TAF1: variants seen among roughly 807,000 people sequenced by gnomAD.
TAF1 encodes the protein transcription initiation factor TFIID subunit 1.
A neutral mutation model predicts 138.5 loss-of-function variants in TAF1; 2 were observed. The observed-to-expected ratio is 0.01, with a 90% CI of 0.01 to 0.05. The LOEUF (loss-of-function observed/expected upper bound fraction) is 0.05. Among genes scored for constraint, TAF1 ranks in the 10% least tolerant of loss-of-function variants. The pLI, the probability that TAF1 is intolerant of heterozygous loss-of-function variation, is 1.00. For synonymous variants in TAF1, 437 were observed against 503.2 expected (o/e 0.87, Z 1.76); for missense variants, 709 against 1,478.0 (o/e 0.48, Z 8.53).
chrX:71,382,403 G>C (rs1602484082), intron 9 of TAF1, 133 bp from the exon 10 acceptor site: 26 of 871,757 alleles, frequency 3.0e-5, no homozygotes, highest in Non-Finnish European at 3.6e-5. Flanking sequence ...ACCTGGGGGG[G>C]GGTGGGATGA....
chrX:71,368,030 C>T (rs774943289), intron 2 of TAF1, 24 bp from the exon 3 acceptor site: 15 of 1,191,924 alleles, frequency 1.3e-5, no homozygotes, highest in South Asian at 1.8e-5. Flanking sequence ...ACTGTTGTTG[C>T]GATTCTCCCT....
At chrX:71,388,952 A>T in intron 17 of TAF1, 84 bp downstream of exon 17, 1 of 1,057,406 alleles carries the variant, frequency 9.5e-7, no homozygotes, top group African/African-American at 1.9e-5. Flanking sequence ...GAGAGAGAAG[A>T]TTCTTTCTCT....
Position 71,397,506 on chromosome X carries a change from CAG to C in TAF1, c.3620+43_3620+44del, listed in dbSNP as rs748567504. ...CCACTTCCTTTTTTTTCTTTGAGGA[CAG>C]AGTCTTGCTCTGCGGCCCAGGTGGA... On this transcript the variant is annotated intron_variant, in intron 23 of 37. Transcript: ENST00000423759. The C allele has an allele frequency of 6.5e-5, 78 of 1,199,186 alleles. No homozygotes were observed. The South Asian group carries it at 1.3e-3, about 20-fold the overall frequency.
chrX:71,489,140 C>T (rs1204970604), intron 13 of TAF1, among the ~76,000 whole-genome samples: 2 of 109,419 alleles, frequency 1.8e-5, no homozygotes, highest in Admixed American at 9.8e-5. Flanking sequence ...TATCATATGC[C>T]GCCTGATGTC....
At chrX:71,409,339 G>A (rs955927166) in intron 28 of TAF1, among the ~76,000 whole-genome samples, 1 of 110,437 alleles carries the variant, frequency 9.1e-6, no homozygotes, top group Admixed American at 9.8e-5. Context: ...TGTTGCCCAG[G>A]CTGGTCTCAA....
At chrX:71,434,503 C>T (rs941266583) in intron 32 of TAF1, among the ~76,000 whole-genome samples, 3 of 111,537 alleles carry the variant, frequency 2.7e-5, no homozygotes, top group Middle Eastern at 4.2e-3. Flanking sequence ...CATATTTAGC[C>T]CGTGAACTAT....
chrX:71,461,359 T>C (rs968756896), intron 37 of TAF1, among the ~76,000 whole-genome samples: 5 of 111,395 alleles, frequency 4.5e-5, no homozygotes, highest in African/African-American at 1.6e-4. Context: ...CTAAGACCTT[T>C]GGACCTTAAC....
intron 13 of TAF1, among the ~76,000 whole-genome samples, chrX:71,518,058 T>C (rs1023661808): frequency 1.8e-5 from 2 of 110,359 alleles, no homozygotes; most frequent in Admixed American, 9.7e-5. Context: ...CAGACCAACC[T>C]GGGCAACATG....
At chrX:71,447,827 T>G (rs1050300262) in intron 32 of TAF1, among the ~76,000 whole-genome samples, 3 of 111,553 alleles carry the variant, frequency 2.7e-5, no homozygotes, top group Non-Finnish European at 5.7e-5. Context: ...AGGAATTTTC[T>G]TGGTGGAATA....
At chrX:71,436,056 TTTTTTTTTTG>T in intron 32 of TAF1, among the ~76,000 whole-genome samples, 1 of 94,559 alleles carries the variant, frequency 1.1e-5, no homozygotes, top group Non-Finnish European at 2.1e-5. Context: ...TTTTTTTTTT[TTTTTTTTTTG>T]AAACAAGGTC....
Position 71,460,646 on chromosome X carries a change from G to A in TAF1, c.5242G>A (p.Gly1748Arg). ...TACAGCTATCCAGCTGAGTGAAAGTGGAAGTGACTCTGATGTGGGATCTGG... is the reference window on the plus strand; with the variant it reads ...TACAGCTATCCAGCTGAGTGAAAGTAGAAGTGACTCTGATGTGGGATCTGG... ...PFSAIQLSES[G>R]SDSDVGSGGI... The change falls in exon 37 of 38, where the codon GGA (glycine) becomes AGA (arginine). Residue 1748 changes from glycine (G) to arginine (R), a missense_variant. Physicochemically the swap from Gly to Arg is moderately radical, Grantham distance 125. Transcript: ENST00000423759. 8.3e-7 allele frequency: 1 copy of A among 1,211,664 alleles called. No individual in the cohort carries two copies. The highest frequency in any genetic ancestry group is 1.1e-6 in the Non-Finnish European group (1 of 895,432).
At chrX:71,405,335 G>T (rs1042195577) in intron 25 of TAF1, among the ~76,000 whole-genome samples, 5 of 110,814 alleles carry the variant, frequency 4.5e-5, no homozygotes, top group African/African-American at 1.6e-4. Context: ...AGTCATTTAT[G>T]TGTTTGTTTT....
chrX:71,408,783 T>C (rs2035609719), intron 28 of TAF1, among the ~76,000 whole-genome samples: 1 of 111,228 alleles, frequency 9.0e-6, no homozygotes, highest in African/African-American at 3.3e-5. Context: ...CCCAGCACTT[T>C]GGGAGGCCAA....
chrX:71,406,594 A>G (rs751381967), intron 25 of TAF1, 44 bp from the exon 26 acceptor site: 1 of 1,134,418 alleles, frequency 8.8e-7, no homozygotes, highest in East Asian at 3.0e-5. Flanking sequence ...CCCCCTGGGA[A>G]CTAGAAATAG....
intron 32 of TAF1, among the ~76,000 whole-genome samples, chrX:71,444,391 C>T (rs777988999): frequency 4.5e-4 from 50 of 111,375 alleles, no homozygotes; most frequent in African/African-American, 1.6e-3. Context: ...GAGATTTTCT[C>T]CCCAGTCTGT....
chrX:71,397,593 A>C (rs5980760), intron 23 of TAF1, 127 bp downstream of exon 23: 4 of 814,811 alleles, frequency 4.9e-6, no homozygotes, highest in Non-Finnish European at 7.1e-6. Flanking sequence ...AGTGATTCTC[A>C]TGCCTCAACT....
chrX:71,453,798 G>T (rs1022403070), intron 32 of TAF1, among the ~76,000 whole-genome samples: 1 of 111,329 alleles, frequency 9.0e-6, no homozygotes, highest in Non-Finnish European at 1.9e-5. Flanking sequence ...AAGGCCAGGA[G>T]TTCAAGAGTA....
chrX:71,377,218 T>G, intron 5 of TAF1, 27 bp downstream of exon 5: 1 of 1,207,827 alleles, frequency 8.3e-7, no homozygotes, highest in Non-Finnish European at 1.1e-6. Context: ...ATGCTCAGAT[T>G]GCAAACCACT....
At chrX:71,380,621 A>G (rs1452344391) in intron 8 of TAF1, among the ~76,000 whole-genome samples, 5 of 111,427 alleles carry the variant, frequency 4.5e-5, no homozygotes, top group Non-Finnish European at 9.4e-5. Context: ...ATGATATCCT[A>G]TTAGTGTAAA....
Sources: allele counts gnomAD v4.1 joint callset (sites outside exome capture counted in the v4.1 genomes callset), GRCh38; gene constraint gnomAD v4.1.1; transcripts MANE v1.5; gene names NCBI Gene and HGNC (gene_info 2026-07-23, HGNC 2026-07-21).